Variants in KDM1A observed in about 807,000 individuals in gnomAD.
The protein encoded by KDM1A is lysine-specific histone demethylase 1A.
KDM1A carries 49 observed loss-of-function variants against 109.4 expected under a neutral mutation model. The observed-to-expected ratio is 0.45, with a 90% CI of 0.36 to 0.57. The LOEUF (loss-of-function observed/expected upper bound fraction) is 0.57, where lower values mean the gene tolerates loss of function less well. KDM1A is among the 20% of genes least tolerant of loss of function. KDM1A has a pLI of 0.00. For missense variants in KDM1A, 668 were observed against 1,116.6 expected (o/e 0.60, Z 5.73); for synonymous variants, 380 against 415.4 (o/e 0.91, Z 1.04).
At chr1:23,057,882 C>T (rs1221060960) in intron 8 of KDM1A, 1 of 174,638 alleles carries the variant, frequency 5.7e-6, no homozygotes, top group Non-Finnish European at 1.2e-5. Context: ...CCACTCACTG[C>T]AGTCTCCTCC....
At chr1:23,066,163 C>CCT (rs1643155011) in intron 10 of KDM1A, 92 bp downstream of exon 10, 1 of 865,508 alleles carries the variant, frequency 1.2e-6, no homozygotes. Flanking sequence ...TTTCAAAGAT[C>CCT]CTCTCCATCA....
chr1:23,063,704 T>TA (rs1192352712), intron 9 of KDM1A, among the ~76,000 whole-genome samples: 2 of 152,214 alleles, frequency 1.3e-5, no homozygotes, highest in Non-Finnish European at 2.9e-5. Context: ...CAAACTATAT[T>TA]AATTTATTCA....
At chr1:23,048,847 C>T (rs749951915) in intron 3 of KDM1A, among the ~76,000 whole-genome samples, 9 of 151,886 alleles carry the variant, frequency 5.9e-5, no homozygotes, top group Non-Finnish European at 1.0e-4. Context: ...GTTTTATGTG[C>T]TTTAAAATGA....
At chr1:23,040,612 C>T (rs1425858487) in intron 2 of KDM1A, among the ~76,000 whole-genome samples, 1 of 149,926 alleles carries the variant, frequency 6.7e-6, no homozygotes, top group Non-Finnish European at 1.5e-5. Context: ...ATATCGAGAA[C>T]TCGTCTCTAC....
At chr1:23,025,791 A>G (rs887787141) in intron 1 of KDM1A, among the ~76,000 whole-genome samples, 15 of 152,048 alleles carry the variant, frequency 9.9e-5, no homozygotes, top group Non-Finnish European at 1.5e-5. Context: ...GTTAGTGATT[A>G]GAATTAAGTT....
At chr1:23,041,279 A>G (rs1399280280) in intron 2 of KDM1A, among the ~76,000 whole-genome samples, 1 of 152,172 alleles carries the variant, frequency 6.6e-6, no homozygotes, top group African/African-American at 2.4e-5. Context: ...TTTATTTCCA[A>G]GCAAGTTAAA....
At chr1:23,046,303 G>A (rs1263681594) in intron 3 of KDM1A, among the ~76,000 whole-genome samples, 3 of 152,056 alleles carry the variant, frequency 2.0e-5, no homozygotes, top group South Asian at 4.2e-4. Context: ...TTCTCTTTTC[G>A]TTTTCTCTCT....
intron 2 of KDM1A, among the ~76,000 whole-genome samples, chr1:23,038,682 C>G (rs1273012176): frequency 6.6e-6 from 1 of 152,188 alleles, no homozygotes; most frequent in Non-Finnish European, 1.5e-5. Context: ...CTTTTACTTT[C>G]TTTTGATAAG....
At chr1:23,068,352 A>G (rs747505493) in intron 10 of KDM1A, among the ~76,000 whole-genome samples, 187 bp from the exon 11 acceptor site, 5 of 152,314 alleles carry the variant, frequency 3.3e-5, no homozygotes, top group Middle Eastern at 3.4e-3. Context: ...TCAGGGCCCA[A>G]ACATTTCATA....
intron 18 of KDM1A, 109 bp from the exon 19 acceptor site, chr1:23,081,337 T>A: frequency 8.1e-7 from 1 of 1,237,018 alleles, no homozygotes; most frequent in East Asian, 2.3e-5. Context: ...GTACTGCGTG[T>A]GTCTTGTCAT....
At chr1:23,022,786 G>A (rs529473708) in intron 1 of KDM1A, among the ~76,000 whole-genome samples, 2 of 150,396 alleles carry the variant, frequency 1.3e-5, no homozygotes, top group Non-Finnish European at 2.9e-5. Flanking sequence ...AGCCAGCCGA[G>A]TAGCTGGGAT....
At chr1:23,052,443 A>T (rs556487372) in intron 4 of KDM1A, among the ~76,000 whole-genome samples, 1 of 152,228 alleles carries the variant, frequency 6.6e-6, no homozygotes, top group African/African-American at 2.4e-5. Context: ...GGATTTGGTC[A>T]TAATCCCTTA....
intron 2 of KDM1A, among the ~76,000 whole-genome samples, chr1:23,039,324 T>C (rs1642239741): frequency 2.6e-5 from 4 of 152,194 alleles, no homozygotes. Context: ...TGTGCAGTCT[T>C]TTTCATTTTT....
intron 4 of KDM1A, among the ~76,000 whole-genome samples, chr1:23,052,280 A>G (rs1642696376): frequency 6.6e-6 from 1 of 152,212 alleles, no homozygotes; most frequent in Non-Finnish European, 1.5e-5. Context: ...TTAAAACTGC[A>G]ACTTTAGGAT....
At chr1:23,032,953 G>A (rs1231029784) in intron 2 of KDM1A, among the ~76,000 whole-genome samples, 1 of 152,206 alleles carries the variant, frequency 6.6e-6, no homozygotes, top group African/African-American at 2.4e-5. Context: ...AGGCTGGAGT[G>A]CAGTGGCATG....
intron 2 of KDM1A, among the ~76,000 whole-genome samples, chr1:23,042,441 T>TTATTATTATTATTATTA (rs1553127469): frequency 3.3e-4 from 8 of 24,222 alleles, no homozygotes; most frequent in South Asian, 1.9e-3. Flanking sequence ...AAATATATTA[T>TTATTATTATTATTATTA]TTTTTTTTTT....
intron 9 of KDM1A, among the ~76,000 whole-genome samples, chr1:23,060,660 G>A (rs961724685): frequency 6.6e-6 from 1 of 152,154 alleles, no homozygotes; most frequent in Admixed American, 6.5e-5. Context: ...TGCTGGCAGA[G>A]GAGGTTTAAG....
In KDM1A at chr1:23,059,107, A is replaced by G; in HGVS notation, c.1107A>G (p.Val369=). ...CTATGGCTGTGGTCAGCAAACAAGT[A>G]AATATGGAACTGGCCAAGATCAAGC... ...GNPMAVVSKQ[V]NMELAKIKQK... Residue 369 remains valine, a synonymous_variant, in exon 9 of 21, where the codon GTA becomes GTG. Transcript: ENST00000400181. 1 of 1,612,562 alleles carries G rather than the reference A, an allele frequency of 6.2e-7. No homozygotes were observed. The highest frequency in any genetic ancestry group is 1.1e-5 in the South Asian group (1 of 90,786).
At chr1:23,021,802 A>G (rs1641639526) in intron 1 of KDM1A, among the ~76,000 whole-genome samples, 1 of 152,212 alleles carries the variant, frequency 6.6e-6, no homozygotes. Flanking sequence ...GAACCTTTTC[A>G]TCATCCCCAA....
Sources: gnomAD v4.1 joint callset for allele counts (sites outside exome capture counted in the v4.1 genomes callset) on GRCh38, gnomAD v4.1.1 for gene constraint, MANE v1.5 for transcripts, NCBI Gene and HGNC (gene_info 2026-07-23, HGNC 2026-07-21) for gene names.